MIA2: variants seen among roughly 807,000 people sequenced by gnomAD.
The protein encoded by MIA2 is melanoma inhibitory activity protein 2.
A neutral mutation model predicts 167.8 loss-of-function variants in MIA2; 127 were observed. That is an observed-to-expected ratio of 0.76 (90% CI 0.66 to 0.88). MIA2 has a LOEUF of 0.88. Ranked by LOEUF, MIA2 falls within the 40% of genes least tolerant of loss-of-function variation. The pLI is 0.00. For missense variants in MIA2, 1,690 were observed against 1,624.7 expected (o/e 1.04, Z -0.69); for synonymous variants, 552 against 541.9 (o/e 1.02, Z -0.26).
chr14:39,352,137 T>C (rs182133051), downstream of MIA2, among the ~76,000 whole-genome samples: 133 of 151,746 alleles, frequency 8.8e-4, 3 homozygotes, highest in South Asian at 0.01. Context: ...CTTTTTTGTC[T>C]CCTCAAATTA....
chr14:39,315,294 A>G, intron 20 of MIA2: 1 of 151,180 alleles, frequency 6.6e-6, no homozygotes. Flanking sequence ...ACAGAGTGAG[A>G]CTCCGTCTCA....
chr14:39,353,424 T>A (rs1225027460), downstream of MIA2, among the ~76,000 whole-genome samples: 2 of 152,122 alleles, frequency 1.3e-5, no homozygotes, highest in Admixed American at 1.3e-4. Flanking sequence ...AACTCCCCCA[T>A]ATGAGTGAGA....
chr14:39,318,074 C>A, intron 22 of MIA2, 63 bp downstream of exon 22: 2 of 1,228,758 alleles, frequency 1.6e-6, no homozygotes, highest in Non-Finnish European at 2.3e-6. Context: ...TTAGGTAATA[C>A]TTTTATAAGG....
At chr14:39,342,061 A>G (rs1441678657) in intron 25 of MIA2, among the ~76,000 whole-genome samples, 1 of 152,160 alleles carries the variant, frequency 6.6e-6, no homozygotes, top group East Asian at 1.9e-4. Flanking sequence ...GTTCATGTGC[A>G]CAACGTGCAG....
intron 9 of MIA2, among the ~76,000 whole-genome samples, chr14:39,286,876 T>C (rs916791626): frequency 7.0e-6 from 1 of 142,758 alleles, no homozygotes; most frequent in African/African-American, 2.5e-5. Context: ...TGTGTGTGTG[T>C]GTGTGTGTGT....
chr14:39,326,793 T>A (rs2067644408), intron 24 of MIA2, 71 bp from the exon 25 acceptor site: 6 of 1,374,938 alleles, frequency 4.4e-6, no homozygotes, highest in Non-Finnish European at 5.9e-6. Context: ...ACCACTGATT[T>A]TATGTGTAAA....
intron 6 of MIA2, chr14:39,266,463 T>A: frequency 2.0e-6 from 2 of 985,388 alleles, no homozygotes; most frequent in South Asian, 9.4e-5. Flanking sequence ...TGATTTAGCA[T>A]TTGGGTAACT....
chr14:39,379,122 C>G (rs1307848997), intron 23 of MIA2, among the ~76,000 whole-genome samples: 1 of 151,978 alleles, frequency 6.6e-6, no homozygotes, highest in Non-Finnish European at 1.5e-5. Context: ...TTTCCATAAA[C>G]CTTTTTATAG....
At chr14:39,292,662 T>G (rs2152829745) in intron 10 of MIA2, 1 of 316,444 alleles carries the variant, frequency 3.2e-6, no homozygotes, top group Non-Finnish European at 6.1e-6. Flanking sequence ...ATCTTTTGGT[T>G]TATTTTTCTT....
At chr14:39,361,699 T>G (rs1330936764) in intron 23 of MIA2, among the ~76,000 whole-genome samples, 1 of 152,084 alleles carries the variant, frequency 6.6e-6, no homozygotes, top group Non-Finnish European at 1.5e-5. Flanking sequence ...CTTGGCCTCC[T>G]AAACTGCTGG....
chr14:39,240,599 C>G lies in MIA2; in HGVS notation c.288C>G (p.Val96=). The change falls in exon 3 of 29, where the codon GTC becomes GTG. Residue 96 remains valine (V), a synonymous_variant. Transcript: ENST00000640607. The part of the protein sequence containing the change: ...KEFGYFPRDA[V]QIEEVFISEE... ...TTGGATATTTTCCCAGAGATGCAGT[C>G]CAGATTGAAGAGGTGTTCATATCTG... 5 of 1,613,146 alleles carry G rather than the reference C, an allele frequency of 3.1e-6. No individual in the cohort carries two copies. Among genetic ancestry groups the G allele is most frequent in the Non-Finnish European group, 3.4e-6 (4 of 1,179,364 alleles).
rs114049785 is a variant in MIA2, at chr14:39,266,805, G to A, written c.1888-10129G>A. 5,986 of 929,662 alleles carry A rather than the reference G, an allele frequency of 6.4e-3. 341 individuals are homozygous for A. The African/African-American group carries it at 0.098, about 15-fold the overall frequency. 57.6% of individuals were successfully genotyped at this position (929,662 alleles called of 1,614,324 possible). A position where few individuals can be genotyped will look rare whatever the true frequency, so the allele number is the denominator to read the frequency against. ...CGAGGCTGCGGAAGGAAAGCCTTGG[G>A]TGTCGGGGCTGGGCCTGGCGTCGGC... On this transcript the variant is annotated intron_variant, in intron 6 of 28. Transcript: ENST00000640607.
At chr14:39,243,636 C>A (rs1395919584) in intron 3 of MIA2, among the ~76,000 whole-genome samples, 3 of 152,176 alleles carry the variant, frequency 2.0e-5, no homozygotes, top group African/African-American at 7.2e-5. Context: ...GAGGCCAAGG[C>A]AGGTGGATCA....
At chr14:39,255,489 T>C (rs1336222750) in intron 6 of MIA2, among the ~76,000 whole-genome samples, 2 of 152,110 alleles carry the variant, frequency 1.3e-5, no homozygotes, top group Admixed American at 6.6e-5. Flanking sequence ...GCCTGGGCCA[T>C]AGAGTAAGAC....
intron 23 of MIA2, among the ~76,000 whole-genome samples, chr14:39,369,605 T>A (rs1260027372): frequency 6.6e-6 from 1 of 152,194 alleles, no homozygotes; most frequent in Non-Finnish European, 1.5e-5. Context: ...TCCAAAAAAA[T>A]GGAAAACCTC....
chr14:39,276,863 G>A, intron 6 of MIA2, 71 bp from the exon 7 acceptor site: 2 of 1,546,562 alleles, frequency 1.3e-6, no homozygotes, highest in South Asian at 1.2e-5. Flanking sequence ...ACATAAACTT[G>A]TACCTATGTT....
At chr14:39,238,807 A>AAAAAAAAAAAAAAAAC (rs1566583465) in intron 2 of MIA2, among the ~76,000 whole-genome samples, 1 of 148,392 alleles carries the variant, frequency 6.7e-6, no homozygotes, top group Non-Finnish European at 1.5e-5. Flanking sequence ...AAAAAAAAAA[A>AAAAAAAAAAAAAAAAC]AAAACCCAAA....
chr14:39,341,418 A>G (rs2071810404), intron 25 of MIA2, among the ~76,000 whole-genome samples: 1 of 152,176 alleles, frequency 6.6e-6, no homozygotes, highest in African/African-American at 2.4e-5. Context: ...ATGTTTGGAG[A>G]AGGTCTGGTT....
chr14:39,377,572 C>A lies in MIA2; in HGVS notation c.2249-9313C>A, dbSNP rs1301923145. Among the ~76,000 whole-genome samples, 3 of 152,112 alleles carry A rather than the reference C, an allele frequency of 2.0e-5. No homozygotes were observed. In the South Asian group the frequency reaches 6.2e-4, roughly 32 times the overall value. ...ATAAAAATGAAAACATTAGGCAAGG[C>A]TGGAGTCTAATAACAGGTATACTAT... On this transcript the variant is annotated intron_variant, in intron 23 of 23. Coordinates refer to the MIA2 transcript ENST00000341502.
Sources: gnomAD v4.1 joint callset for allele counts (sites outside exome capture counted in the v4.1 genomes callset) on GRCh38, gnomAD v4.1.1 for gene constraint, MANE v1.5 for transcripts, NCBI Gene and HGNC (gene_info 2026-07-23, HGNC 2026-07-21) for gene names.